Variants in CAST observed in about 807,000 individuals in gnomAD.
CAST encodes calpastatin, also known as MIR583 host.
Under a neutral mutation model 119.6 loss-of-function variants are expected in CAST, and 76 were observed. The observed-to-expected ratio is 0.64, with a 90% CI of 0.53 to 0.77. CAST has a LOEUF of 0.77. CAST is among the 30% of genes least tolerant of loss of function. The probability of loss-of-function intolerance (pLI) is 0.00; values close to 1 mark genes in which losing one functional copy is unlikely to be tolerated. For synonymous variants in CAST, 319 were observed against 331.6 expected (o/e 0.96, Z 0.41); for missense variants, 953 against 946.5 (o/e 1.01, Z -0.09).
the CAST span, among the ~76,000 whole-genome samples, chr5:96,363,515 C>T: frequency 6.6e-6 from 1 of 152,096 alleles, no homozygotes; most frequent in African/African-American, 2.4e-5. Context: ...TGTCGTTGAG[C>T]AGTGGTTTGT....
intron 2 of CAST, among the ~76,000 whole-genome samples, chr5:96,694,629 T>TCAAAAAAACAAA (rs1403979594): frequency 1.3e-5 from 2 of 152,058 alleles, no homozygotes; most frequent in Non-Finnish European, 2.9e-5. Flanking sequence ...AGACTCCATC[T>TCAAAAAAACAAA]CAAAAAAACA....
chr5:96,529,711 C>A (rs1417048894), upstream of CAST: 1 of 342,040 alleles, frequency 2.9e-6, no homozygotes, highest in Non-Finnish European at 5.8e-6. Context: ...GGGGCAGTTT[C>A]CCCCATCCTG....
chr5:96,045,721 G>A, the CAST span, among the ~76,000 whole-genome samples: 1 of 152,118 alleles, frequency 6.6e-6, no homozygotes, highest in Admixed American at 6.5e-5. Flanking sequence ...ACCTGCTGAA[G>A]GTCACATAGT....
At chr5:96,218,477 C>T in the CAST span, among the ~76,000 whole-genome samples, 9 of 152,260 alleles carry the variant, frequency 5.9e-5, no homozygotes, top group African/African-American at 2.2e-4. Context: ...TTGGCCTTTG[C>T]TAAAATAATA....
the CAST span, among the ~76,000 whole-genome samples, chr5:96,266,194 G>A: frequency 2.6e-5 from 4 of 152,110 alleles, no homozygotes; most frequent in African/African-American, 9.7e-5. Flanking sequence ...CTGAGCAGAT[G>A]GTAAGAGAAT....
the CAST span, chr5:95,973,290 G>A: frequency 6.0e-6 from 1 of 166,476 alleles, no homozygotes; most frequent in East Asian, 1.8e-4. Context: ...CAGTGTTTAT[G>A]ATGGTTTTTG....
At chr5:96,173,932 CG>C in the CAST span, among the ~76,000 whole-genome samples, 3,399 of 151,934 alleles carry the variant, frequency 0.022, 124 homozygotes, top group African/African-American at 0.077. Flanking sequence ...TTAGTAGACA[CG>C]GGGTTTTCCC....
the CAST span, among the ~76,000 whole-genome samples, chr5:96,426,627 C>G: frequency 1.3e-5 from 2 of 152,126 alleles, no homozygotes; most frequent in Admixed American, 6.5e-5. Context: ...ATACTTGAAG[C>G]CCTGAGAGAG....
At chr5:96,326,306 C>T in the CAST span, among the ~76,000 whole-genome samples, 2 of 152,190 alleles carry the variant, frequency 1.3e-5, no homozygotes, top group Non-Finnish European at 2.9e-5. Context: ...CCTACAAGGT[C>T]CTCCATGACA....
intron 3 of CAST, among the ~76,000 whole-genome samples, chr5:96,713,104 A>G (rs895811900): frequency 2.7e-5 from 4 of 150,066 alleles, no homozygotes; most frequent in Admixed American, 6.6e-5. Flanking sequence ...GGCTTTCTGG[A>G]TGATTGTTCA....
At chr5:96,267,858 A>G in the CAST span, among the ~76,000 whole-genome samples, 1 of 152,238 alleles carries the variant, frequency 6.6e-6, no homozygotes, top group African/African-American at 2.4e-5. Flanking sequence ...AATAATGGCT[A>G]TAGAAATCTC....
the CAST span, among the ~76,000 whole-genome samples, chr5:96,111,937 G>A: frequency 2.6e-5 from 4 of 151,950 alleles, no homozygotes; most frequent in East Asian, 1.9e-4. Context: ...ATGAGCCACT[G>A]TACCCAGCTG....
At chr5:95,980,336 C>G in the CAST span, 2 of 152,098 alleles carry the variant, frequency 1.3e-5, no homozygotes, top group Non-Finnish European at 2.9e-5. Flanking sequence ...GATGAACAAA[C>G]CTTTTGTTGC....
At chr5:96,534,688 G>GAGGA (rs1554066212) in intron 1 of CAST, among the ~76,000 whole-genome samples, 17 of 36,956 alleles carry the variant, frequency 4.6e-4, no homozygotes, top group South Asian at 2.6e-3. Context: ...GAGAGAGAGA[G>GAGGA]AGGAAGGAAG....
At chr5:96,735,082 G>A (rs1162479119) in intron 9 of CAST, among the ~76,000 whole-genome samples, 1 of 152,128 alleles carries the variant, frequency 6.6e-6, no homozygotes, top group Admixed American at 6.5e-5. Context: ...CCAGACTCAG[G>A]CTCACACCCT....
At chr5:96,275,638 G>A in the CAST span, among the ~76,000 whole-genome samples, 3 of 152,052 alleles carry the variant, frequency 2.0e-5, no homozygotes, top group Non-Finnish European at 4.4e-5. Flanking sequence ...ATCTGCTCAA[G>A]ATATAGAGTT....
the CAST span, among the ~76,000 whole-genome samples, chr5:96,100,533 T>C: frequency 7.9e-5 from 12 of 152,356 alleles, no homozygotes; most frequent in East Asian, 7.7e-4. Flanking sequence ...GTATACTGTG[T>C]TGCCAGCAGC....
chr5:96,335,425 CATATT>C, the CAST span, among the ~76,000 whole-genome samples: 4 of 152,288 alleles, frequency 2.6e-5, no homozygotes, highest in East Asian at 3.9e-4. Context: ...CTATGATAGT[CATATT>C]ATATTCTCTC....
the CAST span, among the ~76,000 whole-genome samples, chr5:96,283,935 C>T: frequency 6.6e-6 from 1 of 152,156 alleles, no homozygotes; most frequent in South Asian, 2.1e-4. Flanking sequence ...CAGAATCCCC[C>T]CACCCCTTCT....
Sources: gnomAD v4.1 joint callset for allele counts (sites outside exome capture counted in the v4.1 genomes callset) on GRCh38, gnomAD v4.1.1 for gene constraint, MANE v1.5 for transcripts, NCBI Gene and HGNC (gene_info 2026-07-23, HGNC 2026-07-21) for gene names.